The following ADGRL2 variants were observed in gnomAD, a reference collection of about 807,000 sequenced individuals.
ADGRL2 encodes the protein calcium-independent alpha-latrotoxin receptor 2.
In ADGRL2, 44 loss-of-function variants were observed where a neutral mutation model predicts 157.4. The observed-to-expected ratio is 0.28, with a 90% CI of 0.22 to 0.36. The LOEUF (loss-of-function observed/expected upper bound fraction) is 0.36, where lower values mean the gene tolerates loss of function less well. Ranked by LOEUF, ADGRL2 falls within the 10% of genes least tolerant of loss-of-function variation. ADGRL2 has a pLI of 1.00. For missense variants in ADGRL2, 1,510 were observed against 1,768.9 expected, an observed-to-expected ratio of 0.85 and a Z score of 2.63; for synonymous variants, 585 against 624.7, an observed-to-expected ratio of 0.94 and a Z score of 0.95.
intron 21 of ADGRL2, 132 bp from the exon 22 acceptor site, chr1:81,986,769 A>G: frequency 1.2e-6 from 1 of 819,608 alleles, no homozygotes; most frequent in Non-Finnish European, 1.9e-6. Flanking sequence ...ACATTTCAAC[A>G]GATTTTCCAT....
At chr1:81,527,911 C>G (rs1354698082) in intron 2 of ADGRL2, among the ~76,000 whole-genome samples, 1 of 150,978 alleles carries the variant, frequency 6.6e-6, no homozygotes, top group Non-Finnish European at 1.5e-5. Context: ...ACTAAAAATA[C>G]CAACAATTAG....
chr1:81,492,888 G>A (rs2078662113), intron 2 of ADGRL2, among the ~76,000 whole-genome samples: 1 of 152,096 alleles, frequency 6.6e-6, no homozygotes, highest in Non-Finnish European at 1.5e-5. Context: ...AACATAACAG[G>A]AAGGTCATTT....
intron 11 of ADGRL2, among the ~76,000 whole-genome samples, chr1:81,960,477 T>C (rs1654983679): frequency 2.6e-5 from 4 of 152,074 alleles, no homozygotes; most frequent in Non-Finnish European, 5.9e-5. Flanking sequence ...CTTTTTTTTT[T>C]CTTTTTTCTT....
At chr1:81,966,237 A>G in intron 12 of ADGRL2, 54 bp downstream of exon 12, 4 of 1,607,752 alleles carry the variant, frequency 2.5e-6, no homozygotes, top group Non-Finnish European at 2.6e-6. Flanking sequence ...TCAAAAACCT[A>G]TTAATTCTAA....
intron 2 of ADGRL2, among the ~76,000 whole-genome samples, chr1:81,763,046 TAAAAAAAAAA>T (rs748864220): frequency 1.4e-5 from 1 of 73,768 alleles, no homozygotes; most frequent in Admixed American, 1.8e-4. Context: ...AGACTCCGTC[TAAAAAAAAAA>T]AAAAAAAAAA....
chr1:81,777,413 A>G (rs553143329), intron 2 of ADGRL2, among the ~76,000 whole-genome samples: 3 of 152,356 alleles, frequency 2.0e-5, no homozygotes, highest in Admixed American at 1.3e-4. Context: ...TTTGGTCCCA[A>G]GGCAAGACCC....
intron 1 of ADGRL2, among the ~76,000 whole-genome samples, chr1:81,419,282 C>A (rs1189196576): frequency 6.6e-6 from 1 of 152,186 alleles, no homozygotes; most frequent in Non-Finnish European, 1.5e-5. Flanking sequence ...CAGCTCACTA[C>A]CACCACCGCC....
chr1:81,500,197 G>A (rs1178440982), intron 2 of ADGRL2, among the ~76,000 whole-genome samples: 1 of 152,208 alleles, frequency 6.6e-6, no homozygotes, highest in African/African-American at 2.4e-5. Context: ...CTTGCCTGCT[G>A]TTAGTGGGGA....
At chr1:81,721,590 T>C (rs2084322677) in intron 1 of ADGRL2, 1 of 534,414 alleles carries the variant, frequency 1.9e-6, no homozygotes, top group Non-Finnish European at 3.3e-6. Flanking sequence ...CCCCAGTTTC[T>C]ACCAAAAAAA....
At chr1:81,721,959 G>T in intron 1 of ADGRL2, 1 of 621,624 alleles carries the variant, frequency 1.6e-6, no homozygotes, top group South Asian at 1.4e-5. Flanking sequence ...ATGGGTGATT[G>T]AACCAGACAC....
intron 1 of ADGRL2, among the ~76,000 whole-genome samples, chr1:81,431,715 G>A (rs530718532): frequency 6.6e-6 from 1 of 152,166 alleles, no homozygotes; most frequent in African/African-American, 2.4e-5. Context: ...CACTCAAATT[G>A]CCTGTTCTTT....
At chr1:81,486,153 C>T (rs2078495641) in intron 2 of ADGRL2, among the ~76,000 whole-genome samples, 1 of 152,188 alleles carries the variant, frequency 6.6e-6, no homozygotes, top group African/African-American at 2.4e-5. Context: ...CTTGGTTTAG[C>T]AAATCAGATG....
chr1:81,345,030 A>G (rs1467733750), intron 1 of ADGRL2, among the ~76,000 whole-genome samples: 4 of 152,230 alleles, frequency 2.6e-5, no homozygotes, highest in African/African-American at 9.6e-5. Context: ...AGAAATAGTT[A>G]CATTGAAGTA....
chr1:81,565,233 A>G (rs181277982), intron 2 of ADGRL2, among the ~76,000 whole-genome samples: 3 of 152,320 alleles, frequency 2.0e-5, no homozygotes, highest in African/African-American at 7.2e-5. Context: ...AGTTTAAATA[A>G]GATGACGTAT....
chr1:81,968,820 A>G (rs906426070), intron 14 of ADGRL2, among the ~76,000 whole-genome samples: 4 of 152,220 alleles, frequency 2.6e-5, no homozygotes, highest in African/African-American at 4.8e-5. Flanking sequence ...TGGAAAAATC[A>G]TTAAAATGTC....
intron 3 of ADGRL2, among the ~76,000 whole-genome samples, chr1:81,609,677 G>A (rs1479557617): frequency 1.3e-5 from 2 of 151,918 alleles, no homozygotes; most frequent in African/African-American, 4.9e-5. Context: ...CAAGACTGAT[G>A]TGACAATATT....
intron 3 of ADGRL2, among the ~76,000 whole-genome samples, chr1:81,610,076 G>T (rs947219051): frequency 6.6e-6 from 1 of 152,172 alleles, no homozygotes; most frequent in African/African-American, 2.4e-5. Flanking sequence ...CTCTTGGGGA[G>T]TGAATTCCTG....
At chr1:81,934,250 A>G (rs1437451668) in intron 3 of ADGRL2, among the ~76,000 whole-genome samples, 1 of 152,096 alleles carries the variant, frequency 6.6e-6, no homozygotes, top group African/African-American at 2.4e-5. Flanking sequence ...GACTACTGCA[A>G]AGTTGTTCAG....
intron 1 of ADGRL2, among the ~76,000 whole-genome samples, chr1:81,745,152 G>T (rs1305131364): frequency 6.6e-6 from 1 of 152,130 alleles, no homozygotes; most frequent in Non-Finnish European, 1.5e-5. Context: ...GTAATCCTTG[G>T]CTGTTGGGCA....
Sources: gnomAD v4.1 joint callset for allele counts (sites outside exome capture counted in the v4.1 genomes callset) on GRCh38, gnomAD v4.1.1 for gene constraint, MANE v1.5 for transcripts, NCBI Gene and HGNC (gene_info 2026-07-23, HGNC 2026-07-21) for gene names.